CDH12: variants seen among roughly 807,000 people sequenced by gnomAD.
CDH12 encodes the protein cadherin-12.
Under a neutral mutation model 74.1 loss-of-function variants are expected in CDH12, and 41 were observed. That is an observed-to-expected ratio of 0.55 (90% confidence interval 0.43 to 0.72). The LOEUF (loss-of-function observed/expected upper bound fraction) is 0.72. CDH12 is among the 30% of genes least tolerant of loss of function. The pLI is 0.00. For synonymous variants in CDH12, 399 were observed against 355.0 expected (o/e 1.12, Z -1.39); for missense variants, 945 against 977.2 (o/e 0.97, Z 0.44).
At position 22,134,545 on chromosome 5, in the gene CDH12, T is replaced by A. The variant is rs1186653319; in HGVS notation, c.-186-55683A>T. Among the ~76,000 whole-genome samples, 7 of 149,310 alleles carry A rather than the reference T, an allele frequency of 4.7e-5. No individual in the cohort carries two copies. The East Asian group carries it at 1.4e-3, about 29-fold the overall frequency. On this transcript the variant is annotated intron_variant, in intron 4 of 14. Transcript: ENST00000382254. ...TCAGGGAGACAAGTTAGCATATCTT[T>A]CATCTTTTTATAAGCAGCTGAGTAG...
chr5:22,706,816 C>G (rs1378988955), intron 1 of CDH12, among the ~76,000 whole-genome samples: 1 of 152,108 alleles, frequency 6.6e-6, no homozygotes, highest in African/African-American at 2.4e-5. Context: ...CCAGTAAAAC[C>G]ATGGTTTAAA....
intron 1 of CDH12, among the ~76,000 whole-genome samples, chr5:22,850,927 T>C (rs1737524307): frequency 6.6e-6 from 1 of 152,112 alleles, no homozygotes; most frequent in Admixed American, 6.6e-5. Context: ...TATATCCTTA[T>C]TAATCTCATA....
At chr5:22,319,615 T>C (rs142871930) in intron 3 of CDH12, among the ~76,000 whole-genome samples, 151 of 152,292 alleles carry the variant, frequency 9.9e-4, no homozygotes, top group African/African-American at 3.0e-3. Context: ...TGGAAATCAA[T>C]AGAAACATTA....
At chr5:22,486,994 T>C (rs1746629629) in intron 2 of CDH12, among the ~76,000 whole-genome samples, 1 of 151,978 alleles carries the variant, frequency 6.6e-6, no homozygotes. Flanking sequence ...CATAAATGTG[T>C]TTGATTAAGA....
chr5:21,903,501 G>T (rs1035831034), intron 6 of CDH12, among the ~76,000 whole-genome samples: 1 of 151,986 alleles, frequency 6.6e-6, no homozygotes, highest in East Asian at 2.0e-4. Flanking sequence ...GAAGGCTAAG[G>T]GTTCGTTATC....
chr5:22,176,157 G>A (rs1337108356), intron 4 of CDH12, among the ~76,000 whole-genome samples: 1 of 151,822 alleles, frequency 6.6e-6, no homozygotes, highest in Admixed American at 6.6e-5. Context: ...CGGGGTATTA[G>A]GGTGTGAATG....
intron 6 of CDH12, among the ~76,000 whole-genome samples, chr5:21,897,438 G>A (rs1164227493): frequency 6.6e-6 from 1 of 152,148 alleles, no homozygotes; most frequent in African/African-American, 2.4e-5. Flanking sequence ...AGCCTCAAAT[G>A]TCTGTTACGT....
chr5:22,300,275 C>A (rs1177071864), intron 3 of CDH12, among the ~76,000 whole-genome samples: 2 of 152,208 alleles, frequency 1.3e-5, no homozygotes, highest in African/African-American at 2.4e-5. Flanking sequence ...ACAGCTATGA[C>A]AACAACATTT....
intron 2 of CDH12, among the ~76,000 whole-genome samples, chr5:22,461,148 G>A (rs951819220): frequency 4.3e-5 from 6 of 140,684 alleles, no homozygotes; most frequent in Non-Finnish European, 9.2e-5. Context: ...CTGCCTCAGC[G>A]TCCCGAGTAG....
At chr5:22,598,664 T>C (rs1375856410) in intron 1 of CDH12, among the ~76,000 whole-genome samples, 1 of 152,246 alleles carries the variant, frequency 6.6e-6, no homozygotes, top group Non-Finnish European at 1.5e-5. Flanking sequence ...TTGCTTATAA[T>C]CTACATTCTG....
intron 3 of CDH12, among the ~76,000 whole-genome samples, chr5:22,217,027 T>C (rs11749148): frequency 6.6e-6 from 1 of 151,838 alleles, no homozygotes; most frequent in South Asian, 2.1e-4. Context: ...GGAATTATTG[T>C]CTGCAAATAC....
chr5:22,236,066 A>T (rs1752549549), intron 3 of CDH12, among the ~76,000 whole-genome samples: 1 of 152,160 alleles, frequency 6.6e-6, no homozygotes, highest in African/African-American at 2.4e-5. Context: ...AAGATTAAAA[A>T]TGGCATACCT....
At chr5:22,247,893 T>C (rs1253516238) in intron 3 of CDH12, among the ~76,000 whole-genome samples, 1 of 152,106 alleles carries the variant, frequency 6.6e-6, no homozygotes, top group Non-Finnish European at 1.5e-5. Context: ...TGCTCAAACC[T>C]TAAACAAACA....
intron 1 of CDH12, among the ~76,000 whole-genome samples, chr5:22,834,969 G>T (rs926840971): frequency 6.6e-6 from 1 of 152,054 alleles, no homozygotes; most frequent in Admixed American, 6.6e-5. Flanking sequence ...AGCCACTATG[G>T]AATATAAGCT....
At chr5:22,315,242 G>A (rs1217733613) in intron 3 of CDH12, among the ~76,000 whole-genome samples, 2 of 150,554 alleles carry the variant, frequency 1.3e-5, no homozygotes, top group Non-Finnish European at 2.9e-5. Flanking sequence ...GATTACTGGC[G>A]TGAGCCACCG....
chr5:21,860,606 G>T (rs932802232), intron 6 of CDH12, among the ~76,000 whole-genome samples: 1 of 152,076 alleles, frequency 6.6e-6, no homozygotes, highest in African/African-American at 2.4e-5. Flanking sequence ...CTAATCAGCT[G>T]CCAGTGCAGC....
intron 6 of CDH12, among the ~76,000 whole-genome samples, chr5:21,898,697 T>C (rs1040879956): frequency 2.6e-5 from 4 of 151,578 alleles, no homozygotes; most frequent in African/African-American, 9.7e-5. Context: ...CGAGACTCCA[T>C]CTCAAAAAAA....
At chr5:22,362,686 G>A (rs1265630109) in intron 3 of CDH12, among the ~76,000 whole-genome samples, 1 of 151,860 alleles carries the variant, frequency 6.6e-6, no homozygotes, top group African/African-American at 2.4e-5. Context: ...CAACCCAAAT[G>A]TCCATCAATG....
intron 6 of CDH12, chr5:21,883,546 C>A: frequency 6.2e-7 from 1 of 1,609,768 alleles, no homozygotes; most frequent in South Asian, 1.1e-5. Flanking sequence ...ATGGCTATTG[C>A]TACTGGTGGT....
Sources: gnomAD v4.1 joint callset for allele counts (sites outside exome capture counted in the v4.1 genomes callset) on GRCh38, gnomAD v4.1.1 for gene constraint, MANE v1.5 for transcripts, NCBI Gene and HGNC (gene_info 2026-07-23, HGNC 2026-07-21) for gene names.